Variants in ZIC4 observed in about 807,000 individuals in gnomAD.
The protein encoded by ZIC4 is zinc finger protein ZIC 4.
In ZIC4, 15 loss-of-function variants were observed where a neutral mutation model predicts 28.8. That is an observed-to-expected ratio of 0.52 (90% CI 0.35 to 0.80). ZIC4 has a LOEUF of 0.80. ZIC4 is among the 30% of genes least tolerant of loss of function. The pLI is 0.01. For missense variants in ZIC4, 512 were observed against 467.1 expected (o/e 1.10, Z -0.89); for synonymous variants, 220 against 198.1 (o/e 1.11, Z -0.93).
Position 147,402,776 on chromosome 3 carries a change from C to T in ZIC4, c.22G>A (p.Val8Met), listed in dbSNP as rs1273737961. The change falls in exon 2 of 5, where the codon GTG (valine) becomes ATG (methionine). Residue 8 changes from valine to methionine, a missense_variant. Coordinates refer to ENST00000383075, the MANE Select transcript of ZIC4 (RefSeq NM_032153.6). MRYKTSL[V>M]MRKRLRLYRN... ...TAAAGCCGTAATCGTTTCCTCATCA[C>T]CAAGGATGTCTTGTATCTCATTTTC... 1 of 1,613,700 alleles carries T rather than the reference C, an allele frequency of 6.2e-7. No individual in the cohort carries two copies. Among genetic ancestry groups the T allele is most frequent in the East Asian group, 2.2e-5 (1 of 44,872 alleles).
chr3:147,397,880 C>G (rs2087082823), intron 2 of ZIC4, among the ~76,000 whole-genome samples: 1 of 152,150 alleles, frequency 6.6e-6, no homozygotes, highest in Admixed American at 6.5e-5. Flanking sequence ...TACCTCACTT[C>G]GTCTTCCTTT....
intron 1 of ZIC4, chr3:147,405,351 CG>C: frequency 6.5e-7 from 1 of 1,528,026 alleles, no homozygotes; most frequent in Non-Finnish European, 8.8e-7. Flanking sequence ...ACAATACTGT[CG>C]GAAAGCGGGG....
intron 2 of ZIC4, among the ~76,000 whole-genome samples, chr3:147,401,059 G>A (rs188601633): frequency 3.9e-5 from 6 of 152,174 alleles, no homozygotes; most frequent in African/African-American, 1.4e-4. Flanking sequence ...TGTTTTCTTG[G>A]GGACCTATTT....
At position 147,396,837 on chromosome 3, in the gene ZIC4, G is replaced by C. The variant is rs1219263452; in HGVS notation, c.71-368C>G. ...CGCACTTTGGCGGCTAACACCCCGG[G>C]GCTCTCCGGGGCACGATGCCCTGCG... On this transcript the variant is annotated intron_variant, in intron 2 of 4. Coordinates refer to ENST00000383075, the MANE Select transcript of ZIC4 (RefSeq NM_032153.6). This position sits in a 1 kb window ranked among gnomAD's most constrained non-coding sequence, Gnocchi z 4.2. 2.0e-5 allele frequency: 4 copies of C among 197,432 alleles called. No homozygotes were observed. Among genetic ancestry groups the C allele is most frequent in the African/African-American group, 4.6e-5 (2 of 43,052 alleles). 12.2% of individuals were successfully genotyped at this position (197,432 alleles called of 1,614,324 possible). A position where few individuals can be genotyped will look rare whatever the true frequency, so the allele number is the denominator to read the frequency against.
intron 3 of ZIC4, 38 bp downstream of exon 3, chr3:147,395,813 CA>C: frequency 1.9e-6 from 3 of 1,578,498 alleles, no homozygotes; most frequent in Non-Finnish European, 2.6e-6. Flanking sequence ...CCTGCTTCCC[CA>C]GAGGGTCCGC....
At chr3:147,404,136 A>T in intron 1 of ZIC4, 2 of 1,532,024 alleles carry the variant, frequency 1.3e-6, no homozygotes, top group Non-Finnish European at 1.7e-6. Flanking sequence ...TCATGGCAGG[A>T]TGTCTGGCAT....
chr3:147,390,108 G>A (rs756395999), intron 4 of ZIC4, among the ~76,000 whole-genome samples: 1 of 152,174 alleles, frequency 6.6e-6, no homozygotes, highest in Non-Finnish European at 1.5e-5. Context: ...TATTGAGTCT[G>A]TGGACGACAG....
intron 3 of ZIC4, chr3:147,391,858 G>A: frequency 1.9e-6 from 1 of 535,318 alleles, no homozygotes; most frequent in Non-Finnish European, 2.4e-6. Flanking sequence ...GCAGGGAGAG[G>A]TATTCTGAGC....
Position 147,396,844 on chromosome 3 carries a change from C to A in ZIC4, c.71-375G>T. 5.2e-6 allele frequency: 1 copy of A among 190,672 alleles called. No individual in the cohort carries two copies. The allele number at this position is 190,672 out of a possible 1,614,324, so 11.8% of individuals were successfully genotyped here. ...TGGCGGCTAACACCCCGGGGCTCTC[C>A]GGGGCACGATGCCCTGCGGGGAGTG... On this transcript the variant is annotated intron_variant, in intron 2 of 4. Coordinates refer to ENST00000383075, the MANE Select transcript of ZIC4 (RefSeq NM_032153.6). This position sits in a 1 kb window ranked among gnomAD's most constrained non-coding sequence, Gnocchi z 4.2.
Position 147,405,396 on chromosome 3 carries a change from T to A in ZIC4, c.-16+967A>T, listed in dbSNP as rs1264456535. The A allele has an allele frequency of 4.0e-5, 62 of 1,537,094 alleles. No homozygotes were observed. Among genetic ancestry groups the A allele is most frequent in the Non-Finnish European group, 5.1e-5 (59 of 1,146,846 alleles). On this transcript the variant is annotated intron_variant, in intron 1 of 4. Coordinates refer to ENST00000383075, the MANE Select transcript of ZIC4 (RefSeq NM_032153.6). Reference sequence around the variant, plus strand: ...ACCTTGGAATCCAAAGGGAGTTTCCTGAAGACGGTGACGGCCGAAGTGCAA... The same window carrying A: ...ACCTTGGAATCCAAAGGGAGTTTCCAGAAGACGGTGACGGCCGAAGTGCAA...
At position 147,396,072 on chromosome 3, in the gene ZIC4, C is replaced by A. The variant is rs376509983; in HGVS notation, c.468G>T (p.Thr156=). ...KTFSTMHELV[T]HVTVEHVGGP... ...CGCCGACGTGCTCCACGGTGACGTG[C>A]GTGACCAGCTCGTGCATGGTGCTGA... The change falls in exon 3 of 5, where the codon ACG becomes ACT. Residue 156 remains threonine, a synonymous_variant. Coordinates refer to ENST00000383075, the MANE Select transcript of ZIC4 (RefSeq NM_032153.6). The surrounding 1 kb of genome is among the most constrained non-coding windows in gnomAD (Gnocchi z 4.2). 4.3e-6 allele frequency: 7 copies of A among 1,614,142 alleles called. No homozygotes were observed. The Admixed American group carries it at 8.3e-5, about 19-fold the overall frequency.
chr3:147,396,570 TC>T lies in ZIC4; in HGVS notation c.71-102del. ...GGCCCAGCCCTGCCGCACTACGGCC[TC>T]TGCAGTCAGCCGTGGAACTCAGAGC... On this transcript the variant is annotated intron_variant, in intron 2 of 4. Coordinates refer to ENST00000383075, the MANE Select transcript of ZIC4 (RefSeq NM_032153.6). This position sits in a 1 kb window ranked among gnomAD's most constrained non-coding sequence, Gnocchi z 4.2. 1 of 1,387,934 alleles carries T rather than the reference TC, an allele frequency of 7.2e-7. No homozygotes were observed. Among genetic ancestry groups the T allele is most frequent in the Non-Finnish European group, 9.4e-7 (1 of 1,061,310 alleles). 86.0% of individuals were successfully genotyped at this position (1,387,934 alleles called of 1,614,324 possible). A position where few individuals can be genotyped will look rare whatever the true frequency, so the allele number is the denominator to read the frequency against.
At chr3:147,393,750 G>T (rs996459648) in intron 3 of ZIC4, 2 of 367,318 alleles carry the variant, frequency 5.4e-6, no homozygotes, top group Admixed American at 3.4e-5. Flanking sequence ...AGACGCCGGG[G>T]AAGGTGTGGT....
At chr3:147,391,329 A>G in intron 3 of ZIC4, 83 bp from the exon 4 acceptor site, 1 of 1,425,956 alleles carries the variant, frequency 7.0e-7, no homozygotes, top group South Asian at 1.5e-5. Context: ...TTCGTCTCTC[A>G]TTTTCTGGAA....
intron 2 of ZIC4, 123 bp downstream of exon 2, chr3:147,402,605 C>T (rs2087189202): frequency 1.3e-6 from 1 of 791,050 alleles, no homozygotes; most frequent in East Asian, 2.6e-5. Context: ...CAAGAAACTC[C>T]CCCCAAACTC....
At chr3:147,398,224 T>C (rs901139953) in intron 2 of ZIC4, among the ~76,000 whole-genome samples, 4 of 152,182 alleles carry the variant, frequency 2.6e-5, no homozygotes, top group African/African-American at 9.7e-5. Context: ...CCCGCAGTCG[T>C]ACGGAGCCTC....
chr3:147,390,899 C>G (rs1467661626), intron 4 of ZIC4, 32 bp downstream of exon 4: 2 of 1,568,984 alleles, frequency 1.3e-6, no homozygotes, highest in East Asian at 4.5e-5. Context: ...GCGGGGGCAG[C>G]CGCTATGGGG....
chr3:147,402,725 T>G lies in ZIC4; in HGVS notation c.70+3A>C, dbSNP rs1274560522. The G allele has an allele frequency of 6.2e-7, 1 of 1,606,322 alleles. No individual in the cohort carries two copies. The highest frequency in any genetic ancestry group is 1.7e-5 in the Admixed American group (1 of 59,220). Reference sequence around the variant, plus strand: ...CAATATTCAAAGGAGGATTTTAACTTACTTGACTCTTTAAGAGTGTTTCGG... The same window carrying G: ...CAATATTCAAAGGAGGATTTTAACTGACTTGACTCTTTAAGAGTGTTTCGG... On this transcript the variant is annotated splice_donor_region_variant and intron_variant, in intron 2 of 4. Transcript: ENST00000383075.
chr3:147,402,673 G>T (rs2087190595), intron 2 of ZIC4, 55 bp downstream of exon 2: 6 of 1,398,150 alleles, frequency 4.3e-6, no homozygotes, highest in Admixed American at 2.3e-5. Context: ...AAAAAAAGAA[G>T]AAGAAGAAGA....
Sources: gnomAD v4.1 joint callset for allele counts (sites outside exome capture counted in the v4.1 genomes callset) on GRCh38, gnomAD v4.1.1 for gene constraint, Gnocchi (gnomAD v3.1) non-coding constraint, MANE v1.5 for transcripts, NCBI Gene and HGNC (gene_info 2026-07-23, HGNC 2026-07-21) for gene names.